Variants in CHN2 observed in about 807,000 individuals in gnomAD.
CHN2 encodes beta-chimaerin.
A neutral mutation model predicts 56.3 loss-of-function variants in CHN2; 35 were observed. The observed-to-expected ratio is 0.62, with a 90% confidence interval of 0.47 to 0.82. The LOEUF (loss-of-function observed/expected upper bound fraction) is 0.82, where lower values mean the gene tolerates loss of function less well. Among genes scored for constraint, CHN2 ranks in the 40% least tolerant of loss-of-function variants. CHN2 has a pLI of 0.00. For synonymous variants in CHN2, 210 were observed against 212.8 expected, an observed-to-expected ratio of 0.99 and a Z score of 0.12; for missense variants, 491 against 580.5, an observed-to-expected ratio of 0.85 and a Z score of 1.58.
At chr7:29,460,797 A>G (rs1585474672) in intron 6 of CHN2, among the ~76,000 whole-genome samples, 1 of 152,186 alleles carries the variant, frequency 6.6e-6, no homozygotes, top group South Asian at 2.1e-4. Context: ...AGGCACAGGG[A>G]AGCAGAACAG....
chr7:29,294,863 G>T (rs1792989492), intron 1 of CHN2, among the ~76,000 whole-genome samples: 2 of 152,122 alleles, frequency 1.3e-5, no homozygotes, highest in African/African-American at 2.4e-5. Context: ...CAGCAAAAAT[G>T]CAGACTTGTG....
intron 1 of CHN2, among the ~76,000 whole-genome samples, chr7:29,271,862 T>C (rs1162013655): frequency 6.6e-6 from 1 of 152,010 alleles, no homozygotes; most frequent in African/African-American, 2.4e-5. Context: ...CGGGGGAGCA[T>C]TTTTTATTCA....
At chr7:29,363,427 G>C (rs995351049) in intron 2 of CHN2, among the ~76,000 whole-genome samples, 1 of 152,228 alleles carries the variant, frequency 6.6e-6, no homozygotes, top group African/African-American at 2.4e-5. Flanking sequence ...GGAGGTTGCA[G>C]TGAGCCGAGA....
chr7:29,372,868 C>G (rs1799725975), intron 3 of CHN2, among the ~76,000 whole-genome samples: 1 of 152,180 alleles, frequency 6.6e-6, no homozygotes, highest in South Asian at 2.1e-4. Context: ...TACCTCAAGC[C>G]TACACTAAAT....
At chr7:29,338,911 A>G (rs762626363) in intron 1 of CHN2, among the ~76,000 whole-genome samples, 1 of 152,226 alleles carries the variant, frequency 6.6e-6, no homozygotes, top group Admixed American at 6.5e-5. Flanking sequence ...GACACTGCAT[A>G]CAAAACATCT....
intron 1 of CHN2, among the ~76,000 whole-genome samples, chr7:29,227,445 A>G (rs552013430): frequency 1.3e-5 from 2 of 152,202 alleles, no homozygotes; most frequent in East Asian, 3.9e-4. Context: ...AAAAGCCCCT[A>G]ATTTTCTTAT....
intron 6 of CHN2, among the ~76,000 whole-genome samples, chr7:29,425,134 C>G (rs1804729265): frequency 1.3e-5 from 2 of 152,258 alleles, no homozygotes; most frequent in South Asian, 4.1e-4. Flanking sequence ...CACTCGTTCG[C>G]TGTCCCTCTA....
chr7:29,247,204 G>A (rs1472468886), intron 1 of CHN2, among the ~76,000 whole-genome samples: 1 of 152,154 alleles, frequency 6.6e-6, no homozygotes, highest in Non-Finnish European at 1.5e-5. Flanking sequence ...TAAGAGTAGG[G>A]AGAGCGGTTT....
chr7:29,300,760 C>T (rs1481714146), intron 1 of CHN2, among the ~76,000 whole-genome samples: 1 of 152,146 alleles, frequency 6.6e-6, no homozygotes, highest in African/African-American at 2.4e-5. Flanking sequence ...CCAAAAGCCC[C>T]TTTTTTCAGG....
At chr7:29,401,619 T>G (rs1166963164) in intron 6 of CHN2, among the ~76,000 whole-genome samples, 1 of 152,136 alleles carries the variant, frequency 6.6e-6, no homozygotes, top group African/African-American at 2.4e-5. Context: ...CTGACAGATA[T>G]GGGAGCATTT....
intron 1 of CHN2, among the ~76,000 whole-genome samples, chr7:29,203,204 C>A (rs560037337): frequency 2.6e-5 from 4 of 152,096 alleles, no homozygotes; most frequent in Non-Finnish European, 5.9e-5. Context: ...CGGTGGCTCA[C>A]GCCTGTAATC....
intron 1 of CHN2, among the ~76,000 whole-genome samples, chr7:29,321,324 A>G (rs1273349205): frequency 6.6e-6 from 1 of 152,138 alleles, no homozygotes; most frequent in Non-Finnish European, 1.5e-5. Flanking sequence ...GGAGACTCAC[A>G]TGGAACGCAC....
chr7:29,486,969 C>T (rs1243102024), intron 7 of CHN2, among the ~76,000 whole-genome samples: 1 of 152,098 alleles, frequency 6.6e-6, no homozygotes, highest in East Asian at 1.9e-4. Flanking sequence ...TTTTGCTTCC[C>T]GCATGCAAGC....
intron 6 of CHN2, among the ~76,000 whole-genome samples, chr7:29,411,583 T>C (rs1354007364): frequency 6.6e-6 from 1 of 152,098 alleles, no homozygotes; most frequent in East Asian, 1.9e-4. Flanking sequence ...GGGTGGTTGG[T>C]TCAAGGGTGA....
intron 12 of CHN2, among the ~76,000 whole-genome samples, chr7:29,511,340 C>A (rs759550053): frequency 6.6e-6 from 1 of 152,178 alleles, no homozygotes; most frequent in Non-Finnish European, 1.5e-5. Context: ...ATGGGTATCA[C>A]ATCTGGCTTT....
At chr7:29,274,442 A>G (rs1338890132) in intron 1 of CHN2, among the ~76,000 whole-genome samples, 1 of 152,230 alleles carries the variant, frequency 6.6e-6, no homozygotes, top group African/African-American at 2.4e-5. Flanking sequence ...TTCTTTACTC[A>G]CCAATAACTG....
intron 1 of CHN2, among the ~76,000 whole-genome samples, chr7:29,323,971 T>C (rs930445908): frequency 2.0e-5 from 3 of 151,514 alleles, no homozygotes; most frequent in Non-Finnish European, 4.4e-5. Context: ...GCCACTGCAC[T>C]CCAGCCTGGG....
At chr7:29,361,780 C>T (rs1316607443) in intron 2 of CHN2, among the ~76,000 whole-genome samples, 1 of 152,246 alleles carries the variant, frequency 6.6e-6, no homozygotes, top group African/African-American at 2.4e-5. Context: ...ATAGTAGCAT[C>T]TCAATCTCTC....
At chr7:29,194,164 G>T (rs1028645989), upstream of CHN2, 1 of 152,246 alleles carries the variant, frequency 6.6e-6, no homozygotes, top group African/African-American at 2.4e-5. Context: ...GCCCGGCGGG[G>T]CGCGGTGAGC....
Sources: allele counts gnomAD v4.1 joint callset (sites outside exome capture counted in the v4.1 genomes callset), GRCh38; gene constraint gnomAD v4.1.1; transcripts MANE v1.5; gene names NCBI Gene and HGNC (gene_info 2026-07-23, HGNC 2026-07-21).